Variants in IREB2 observed in about 807,000 individuals in gnomAD.
IREB2 encodes iron responsive element binding protein 2, also known as iron-responsive element-binding protein 2.
A neutral mutation model predicts 118.8 loss-of-function variants in IREB2; 39 were observed. The observed-to-expected ratio is 0.33, with a 90% CI of 0.25 to 0.43. The LOEUF is 0.43. Among genes scored for constraint, IREB2 ranks in the 20% least tolerant of loss-of-function variants. IREB2 has a pLI of 1.00. For missense variants in IREB2, 900 were observed against 1,147.3 expected (o/e 0.78, Z 3.11); for synonymous variants, 372 against 392.2 (o/e 0.95, Z 0.61).
chr15:78,485,895 G>T, intron 13 of IREB2, 55 bp downstream of exon 13: 1 of 1,455,548 alleles, frequency 6.9e-7, no homozygotes, highest in Non-Finnish European at 9.5e-7. Flanking sequence ...AGGTACTGAA[G>T]CTGCTTGTTT....
At chr15:78,497,739 A>C (rs1242233435) in intron 21 of IREB2, among the ~76,000 whole-genome samples, 2 of 152,228 alleles carry the variant, frequency 1.3e-5, no homozygotes, top group African/African-American at 4.8e-5. Flanking sequence ...CATGCAATCA[A>C]TATTTGGTGT....
In IREB2 at chr15:78,438,440, A is replaced by G; in HGVS notation, c.19+84A>G. On this transcript the variant is annotated intron_variant, in intron 1 of 21. Coordinates refer to ENST00000258886, the MANE Select transcript of IREB2 (RefSeq NM_004136.4). ...CGAATTCCTTGCTTTTCTCGCCTGG[A>G]GTCGCTCGGCAGGCGCCCAGGCCCT... 2.7e-6 allele frequency: 4 copies of G among 1,480,966 alleles called. No individual in the cohort carries two copies. The South Asian group carries it at 4.8e-5, about 18-fold the overall frequency. The allele number at this position is 1,480,966 out of a possible 1,614,324, so 91.7% of individuals were successfully genotyped here.
Position 78,484,841 on chromosome 15 carries a change from G to A in IREB2, c.1494G>A (p.Lys498=). The stretch of plus-strand genomic sequence containing the variant: ...TTCATTATGAAGGAAGTGAATATAA[G>A]CTGTCTCATGGATCAGTGGTCATTG... The part of the protein sequence containing the change: ...VSIHYEGSEY[K]LSHGSVVIAA... The change falls in exon 12 of 22, where the codon AAG becomes AAA. Residue 498 remains lysine (K), a synonymous_variant. Transcript: ENST00000258886. 11 of 1,613,502 alleles carry A rather than the reference G, an allele frequency of 6.8e-6. No homozygotes were observed. Among genetic ancestry groups the A allele is most frequent in the South Asian group, 2.2e-5 (2 of 91,058 alleles).
At position 78,476,319 on chromosome 15, in the gene IREB2, C is replaced by A; in HGVS notation, c.1155C>A (p.Phe385Leu). The A allele has an allele frequency of 6.3e-7, 1 of 1,596,054 alleles. No individual in the cohort carries two copies. Among genetic ancestry groups the A allele is most frequent in the Non-Finnish European group, 8.6e-7 (1 of 1,166,610 alleles). Reference protein sequence around the residue: ...CPEYGAILSFFPVDNVTLKHL... With the variant: ...CPEYGAILSFLPVDNVTLKHL... ...AATATGGTGCTATCCTCAGCTTTTT[C>A]CCTGTTGACAATGTGACATTAAAAC... is the stretch of plus-strand genomic sequence containing the variant. Residue 385 changes from phenylalanine (F) to leucine (L), a missense_variant, in exon 9 of 22, where the codon TTC becomes TTA. Physicochemically the swap from Phe to Leu is conservative, Grantham distance 22. Transcript: ENST00000258886.
chr15:78,484,989 CT>C (rs1331841304), intron 12 of IREB2, 69 bp downstream of exon 12: 1 of 1,450,054 alleles, frequency 6.9e-7, no homozygotes, highest in Non-Finnish European at 9.5e-7. Flanking sequence ...GTTATTGTAA[CT>C]TTGTTTCTTA....
chr15:78,490,648 T>G lies in IREB2; in HGVS notation c.2211T>G (p.Ile737Met). ...AAGAGCCAATTGCACTCCAGGCTAT[T>G]GAAAATGCCCATGTCTTATTATATT... ...LTKEPIALQAIENAHVLLYLG... is the reference protein window; with the variant it reads ...LTKEPIALQAMENAHVLLYLG... Residue 737 changes from isoleucine to methionine, a missense_variant, in exon 18 of 22, where the codon ATT becomes ATG. Physicochemically the swap from Ile to Met is conservative, Grantham distance 10. Transcript: ENST00000258886. 6.2e-7 allele frequency: 1 copy of G among 1,614,174 alleles called. No individual in the cohort carries two copies. The highest frequency in any genetic ancestry group is 8.5e-7 in the Non-Finnish European group (1 of 1,180,008).
upstream of IREB2, chr15:78,438,181 C>T (rs1386564437): frequency 1.5e-5 from 9 of 618,572 alleles, no homozygotes; most frequent in Non-Finnish European, 2.1e-5. Flanking sequence ...AGCGCAGACC[C>T]GGGGCTGGCT....
chr15:78,491,598 A>G (rs1289138166), intron 18 of IREB2, among the ~76,000 whole-genome samples: 7 of 152,162 alleles, frequency 4.6e-5, no homozygotes, highest in Non-Finnish European at 7.4e-5. Context: ...CCCGGGTTCA[A>G]GCAATTCTCC....
intron 11 of IREB2, among the ~76,000 whole-genome samples, chr15:78,484,488 C>G (rs1183173347): frequency 6.6e-6 from 1 of 152,032 alleles, no homozygotes; most frequent in Non-Finnish European, 1.5e-5. Context: ...AACAACAAAG[C>G]CAAATGAGAT....
chr15:78,490,208 T>C (rs1596014166), intron 16 of IREB2, among the ~76,000 whole-genome samples: 2 of 152,194 alleles, frequency 1.3e-5, no homozygotes, highest in South Asian at 4.1e-4. Context: ...AGCTCAGGAG[T>C]TTAAGACCAG....
chr15:78,491,785 C>T (rs532555212), intron 18 of IREB2, among the ~76,000 whole-genome samples: 13 of 152,272 alleles, frequency 8.5e-5, no homozygotes, highest in Admixed American at 2.0e-4. Context: ...CATGAGCAAC[C>T]GTGCCCAGCC....
intron 2 of IREB2, among the ~76,000 whole-genome samples, chr15:78,462,594 C>CT (rs1033720991): frequency 1.7e-4 from 26 of 151,890 alleles, no homozygotes; most frequent in Admixed American, 5.2e-4. Flanking sequence ...ATATTCTGTG[C>CT]TTTTTTTTAG....
chr15:78,449,342 A>C (rs1349504038), intron 2 of IREB2, among the ~76,000 whole-genome samples: 3 of 152,238 alleles, frequency 2.0e-5, no homozygotes, highest in Non-Finnish European at 4.4e-5. Flanking sequence ...AAGCATGAAC[A>C]AAAATCTTGA....
intron 8 of IREB2, 21 bp from the exon 9 acceptor site, chr15:78,476,167 T>G: frequency 1.3e-6 from 2 of 1,526,136 alleles, no homozygotes; most frequent in East Asian, 2.3e-5. Context: ...TTGTATGTGT[T>G]TCTGTGTATT....
intron 18 of IREB2, among the ~76,000 whole-genome samples, chr15:78,491,082 C>G (rs945609996): frequency 6.6e-6 from 1 of 152,056 alleles, no homozygotes; most frequent in African/African-American, 2.4e-5. Flanking sequence ...TTGGTTTTAC[C>G]TACCAAATGA....
At chr15:78,469,476 T>C (rs570743960) in intron 5 of IREB2, among the ~76,000 whole-genome samples, 1 of 151,948 alleles carries the variant, frequency 6.6e-6, no homozygotes, top group South Asian at 2.1e-4. Context: ...TCCCAGCACT[T>C]TGGGAGGCTG....
At chr15:78,476,405 T>C (rs753062659) in intron 9 of IREB2, 46 bp downstream of exon 9, 3 of 1,323,778 alleles carry the variant, frequency 2.3e-6, no homozygotes, top group South Asian at 1.5e-5. Flanking sequence ...ACATTTCCAA[T>C]GTGTTTGATA....
At chr15:78,487,633 T>C (rs1394188870) in intron 13 of IREB2, 100 bp from the exon 14 acceptor site, 2 of 697,242 alleles carry the variant, frequency 2.9e-6, no homozygotes, top group Non-Finnish European at 5.1e-6. Flanking sequence ...AATAGTCTTT[T>C]AAGTAATCTT....
intron 2 of IREB2, among the ~76,000 whole-genome samples, chr15:78,442,690 G>A (rs2050862423): frequency 1.3e-5 from 2 of 152,202 alleles, no homozygotes; most frequent in African/African-American, 4.8e-5. Context: ...CTAACATAAC[G>A]AAGTGTGGAG....
Sources: allele counts gnomAD v4.1 joint callset (sites outside exome capture counted in the v4.1 genomes callset), GRCh38; gene constraint gnomAD v4.1.1; transcripts MANE v1.5; gene names NCBI Gene and HGNC (gene_info 2026-07-23, HGNC 2026-07-21).